Variants in FTCDNL1 observed in about 807,000 individuals in gnomAD.
FTCDNL1 encodes the protein formiminotransferase N-terminal subdomain-containing protein.
FTCDNL1 carries 11 observed loss-of-function variants against 5.9 expected under a neutral mutation model. The ratio of observed to expected loss-of-function variants is 1.87; its 90% confidence interval spans 1.18 to 3.10. The LOEUF (loss-of-function observed/expected upper bound fraction) is 3.10, where lower values mean the gene tolerates loss of function less well. FTCDNL1 is among the 30% of genes most tolerant of loss of function. The pLI, the probability that FTCDNL1 is intolerant of heterozygous loss-of-function variation, is 0.00. For missense variants in FTCDNL1, 115 were observed against 65.5 expected (o/e 1.76, Z -2.61); for synonymous variants, 58 against 24.8 (o/e 2.34, Z -3.99).
At chr2:199,711,036 A>G in the FTCDNL1 span, among the ~76,000 whole-genome samples, 110,210 of 151,962 alleles carry the variant, frequency 0.73, 40,433 homozygotes, top group South Asian at 0.9. Context: ...TGATATCAAA[A>G]TAACAGTACA....
chr2:199,783,846 GA>G (rs890631411), intron 3 of FTCDNL1, among the ~76,000 whole-genome samples: 9 of 146,074 alleles, frequency 6.2e-5, no homozygotes, highest in East Asian at 4.0e-4. Flanking sequence ...TTTCTGTGCT[GA>G]AAAAAAAAAC....
At chr2:199,826,724 G>A (rs1408072743) in intron 3 of FTCDNL1, among the ~76,000 whole-genome samples, 3 of 152,104 alleles carry the variant, frequency 2.0e-5, no homozygotes, top group Admixed American at 6.6e-5. Context: ...AACACAGGAG[G>A]CGGAGGCTGC....
downstream of FTCDNL1, among the ~76,000 whole-genome samples, chr2:199,806,419 G>A (rs1700728459): frequency 6.6e-6 from 1 of 152,168 alleles, no homozygotes; most frequent in African/African-American, 2.4e-5. Flanking sequence ...CCCTGTCAGT[G>A]AGATCCTCAC....
At chr2:199,776,009 G>C (rs1045763123) in intron 3 of FTCDNL1, among the ~76,000 whole-genome samples, 15 of 151,124 alleles carry the variant, frequency 9.9e-5, no homozygotes, top group African/African-American at 3.4e-4. Flanking sequence ...CACCTCCCAG[G>C]TTCACGCCAT....
chr2:199,776,927 T>C (rs558090951), intron 3 of FTCDNL1, among the ~76,000 whole-genome samples: 41 of 147,550 alleles, frequency 2.8e-4, no homozygotes, highest in African/African-American at 5.5e-4. Context: ...TATATATATA[T>C]ACACACACAC....
At chr2:199,687,649 C>T in the FTCDNL1 span, among the ~76,000 whole-genome samples, 39 of 151,700 alleles carry the variant, frequency 2.6e-4, no homozygotes, top group Non-Finnish European at 5.3e-4. Context: ...TATATATGGC[C>T]CAGGGATAGT....
chr2:199,736,555 G>A, the FTCDNL1 span, among the ~76,000 whole-genome samples: 2 of 152,172 alleles, frequency 1.3e-5, no homozygotes, highest in African/African-American at 4.8e-5. Flanking sequence ...CTCATATTTT[G>A]TCTTTACCTC....
chr2:199,749,428 A>G, the FTCDNL1 span, among the ~76,000 whole-genome samples: 1 of 152,180 alleles, frequency 6.6e-6, no homozygotes, highest in Non-Finnish European at 1.5e-5. Flanking sequence ...CCACTAACCC[A>G]CCAGCCAATA....
At chr2:199,803,000 AGAGT>A (rs1052611122) in intron 3 of FTCDNL1, among the ~76,000 whole-genome samples, 2 of 152,028 alleles carry the variant, frequency 1.3e-5, no homozygotes, top group African/African-American at 2.4e-5. Context: ...CCTGGGCAAC[AGAGT>A]GAGAATTCAT....
the FTCDNL1 span, among the ~76,000 whole-genome samples, chr2:199,679,944 T>C: frequency 2.0e-5 from 3 of 152,210 alleles, no homozygotes; most frequent in Non-Finnish European, 4.4e-5. Flanking sequence ...TGTATGAATG[T>C]AACACCAATT....
chr2:199,702,725 A>G, the FTCDNL1 span, among the ~76,000 whole-genome samples: 1 of 152,222 alleles, frequency 6.6e-6, no homozygotes, highest in Non-Finnish European at 1.5e-5. Flanking sequence ...CATGTATAAT[A>G]TAGTGGCAAA....
intron 3 of FTCDNL1, chr2:199,844,541 G>T: frequency 1.9e-6 from 1 of 524,038 alleles, no homozygotes; most frequent in Non-Finnish European, 3.5e-6. Context: ...GCCTAAAAAT[G>T]CAAAATTGTG....
At chr2:199,748,325 T>C in the FTCDNL1 span, among the ~76,000 whole-genome samples, 1 of 152,192 alleles carries the variant, frequency 6.6e-6, no homozygotes. Flanking sequence ...ACAAAGCTAC[T>C]GATTTTAAGA....
At chr2:199,834,529 C>T (rs1363722611) in intron 3 of FTCDNL1, among the ~76,000 whole-genome samples, 1 of 152,166 alleles carries the variant, frequency 6.6e-6, no homozygotes, top group African/African-American at 2.4e-5. Flanking sequence ...CTCCTCCTCA[C>T]CATAAAGCTG....
rs1276172079 is a variant in FTCDNL1, at chr2:199,850,774, A to C, written c.-42T>G. On this transcript the variant is annotated 5_prime_UTR_variant, in exon 1 of 5. Coordinates refer to ENST00000420128, the MANE Select transcript of FTCDNL1 (RefSeq NM_001363886.2). ...GCGCACGCACCCCACCGGCACTTGGAGGCCGCAAGGACGCTCGCCAGGCTG... is the reference window on the plus strand; with the variant it reads ...GCGCACGCACCCCACCGGCACTTGGCGGCCGCAAGGACGCTCGCCAGGCTG... 1 of 152,332 alleles carries C rather than the reference A, an allele frequency of 6.6e-6. No individual in the cohort carries two copies. The highest frequency in any genetic ancestry group is 2.4e-5 in the African/African-American group (1 of 41,450). The allele number at this position is 152,332 out of a possible 1,614,324, so 9.4% of individuals were successfully genotyped here.
At chr2:199,751,875 A>G in the FTCDNL1 span, among the ~76,000 whole-genome samples, 1 of 53,864 alleles carries the variant, frequency 1.9e-5, no homozygotes, top group Non-Finnish European at 5.0e-5. Flanking sequence ...AGGCTGCCTG[A>G]ATCAGGATTT....
chr2:199,831,122 A>C (rs907133920), intron 3 of FTCDNL1, among the ~76,000 whole-genome samples: 5 of 152,224 alleles, frequency 3.3e-5, no homozygotes, highest in Non-Finnish European at 7.3e-5. Context: ...CCTCCAAATG[A>C]ACAGGCCTTG....
At chr2:199,803,195 A>G (rs1700550854) in intron 3 of FTCDNL1, among the ~76,000 whole-genome samples, 1 of 150,608 alleles carries the variant, frequency 6.6e-6, no homozygotes, top group Non-Finnish European at 1.5e-5. Context: ...CCGTCTCAAA[A>G]AAAAAAAAAA....
chr2:199,756,483 T>C (rs1298221934), downstream of FTCDNL1, among the ~76,000 whole-genome samples: 1 of 152,174 alleles, frequency 6.6e-6, no homozygotes, highest in African/African-American at 2.4e-5. Flanking sequence ...ACACAGTGAC[T>C]TAATTAGAAG....
Sources: gnomAD v4.1 joint callset for allele counts (sites outside exome capture counted in the v4.1 genomes callset) on GRCh38, gnomAD v4.1.1 for gene constraint, MANE v1.5 for transcripts, NCBI Gene and HGNC (gene_info 2026-07-23, HGNC 2026-07-21) for gene names.